EML6: variants seen among roughly 807,000 people sequenced by gnomAD.
The protein encoded by EML6 is echinoderm microtubule-associated protein-like 6.
A neutral mutation model predicts 240.1 loss-of-function variants in EML6; 154 were observed. That is an observed-to-expected ratio of 0.64 (90% CI 0.56 to 0.73). EML6 has a LOEUF of 0.73. Ranked by LOEUF, EML6 falls within the 30% of genes least tolerant of loss-of-function variation. EML6 has a pLI of 0.00. For synonymous variants in EML6, 1,148 were observed against 899.0 expected, an observed-to-expected ratio of 1.28 and a Z score of -4.95; for missense variants, 2,964 against 2,474.6, an observed-to-expected ratio of 1.20 and a Z score of -4.20.
In EML6 at chr2:54,853,836, A is replaced by G; in HGVS notation, c.1638A>G (p.Lys546=). 1.9e-6 allele frequency: 3 copies of G among 1,551,288 alleles called. No individual in the cohort carries two copies. In the South Asian group the frequency reaches 3.6e-5, roughly 18 times the overall value. The change falls in exon 11 of 42, where the codon AAA becomes AAG. Residue 546 remains lysine, a synonymous_variant. Coordinates refer to ENST00000356458, the MANE Select transcript of EML6 (RefSeq NM_001039753.4). ...GDDFGLVKLF[K]FPCLKRGAKF... ...ATTTTGGACTGGTTAAATTGTTTAA[A>G]TTTCCTTGTCTCAAGAGAGGTAAGG...
chr2:54,829,579 T>C (rs1366551551), intron 7 of EML6, 102 bp downstream of exon 7: 1 of 886,856 alleles, frequency 1.1e-6, no homozygotes, highest in Non-Finnish European at 1.6e-6. Flanking sequence ...AAAAGGCAGT[T>C]TATATAAATA....
chr2:54,879,664 G>C (rs776181225), intron 17 of EML6, 24 bp downstream of exon 17: 4 of 1,374,540 alleles, frequency 2.9e-6, no homozygotes, highest in Non-Finnish European at 4.1e-6. Context: ...GGGATCTTAC[G>C]GTATCCTGCT....
intron 19 of EML6, 42 bp downstream of exon 19, chr2:54,892,698 C>T (rs1168448772): frequency 2.0e-6 from 3 of 1,478,820 alleles, no homozygotes; most frequent in East Asian, 4.9e-5. Context: ...CATCAGCCTT[C>T]TAAAATTATA....
chr2:54,881,384 G>A (rs997982425), intron 17 of EML6: 48 of 152,154 alleles, frequency 3.2e-4, no homozygotes, highest in Admixed American at 2.8e-3. Flanking sequence ...GCCGGGCATG[G>A]TGGCTCACGT....
At chr2:54,927,874 C>T (rs753287175) in intron 26 of EML6, among the ~76,000 whole-genome samples, 2 of 152,222 alleles carry the variant, frequency 1.3e-5, no homozygotes, top group Middle Eastern at 3.2e-3. Flanking sequence ...TATAAGATAT[C>T]CTTTGCTCTT....
intron 28 of EML6, among the ~76,000 whole-genome samples, chr2:54,947,327 A>G (rs949311260): frequency 6.6e-6 from 1 of 152,130 alleles, no homozygotes; most frequent in Non-Finnish European, 1.5e-5. Flanking sequence ...ATTTTGCTCA[A>G]TTTGGTGGCG....
At chr2:54,966,431 T>C (rs1302284026) in intron 38 of EML6, among the ~76,000 whole-genome samples, 1 of 152,234 alleles carries the variant, frequency 6.6e-6, no homozygotes, top group Non-Finnish European at 1.5e-5. Flanking sequence ...AGCCATTCAC[T>C]GCAAATGTCT....
intron 2 of EML6, among the ~76,000 whole-genome samples, chr2:54,743,739 TG>T (rs1446945913): frequency 5.9e-5 from 9 of 152,246 alleles, no homozygotes; most frequent in Admixed American, 4.6e-4. Flanking sequence ...TAGGAATATT[TG>T]TTTTTTTATA....
intron 28 of EML6, among the ~76,000 whole-genome samples, chr2:54,941,810 T>G (rs1022129107): frequency 6.6e-6 from 1 of 152,258 alleles, no homozygotes; most frequent in African/African-American, 2.4e-5. Context: ...AGCCCTTCTC[T>G]CGAAGCTGCG....
At position 54,908,932 on chromosome 2, in the gene EML6, C is replaced by T. The variant is rs114550151; in HGVS notation, c.3410-2022C>T. On this transcript the variant is annotated intron_variant, in intron 24 of 41. Transcript: ENST00000356458. ...AAGGGGCATGTGCTAGATAGGGGAC[C>T]CTACAAGCTGTCTACAATGCTACAC... Among the ~76,000 whole-genome samples the T allele has an allele frequency of 4.0e-3, 612 of 152,310 alleles. 2 individuals carry two copies. The highest frequency in any genetic ancestry group is 4.3e-3 in the Non-Finnish European group (295 of 68,026).
chr2:54,967,427 G>C (rs1287562079), intron 39 of EML6, among the ~76,000 whole-genome samples: 1 of 152,178 alleles, frequency 6.6e-6, no homozygotes, highest in Non-Finnish European at 1.5e-5. Flanking sequence ...ATTCGCTAGG[G>C]GAAGGGAGTG....
intron 25 of EML6, among the ~76,000 whole-genome samples, chr2:54,913,445 G>T (rs933445174): frequency 5.9e-5 from 9 of 151,962 alleles, no homozygotes; most frequent in Non-Finnish European, 1.0e-4. Context: ...TAGAGCCAGG[G>T]TTTTGCCATG....
At chr2:54,761,445 C>T (rs1334810080) in intron 2 of EML6, among the ~76,000 whole-genome samples, 1 of 151,890 alleles carries the variant, frequency 6.6e-6, no homozygotes, top group Non-Finnish European at 1.5e-5. Context: ...AGGTATTTCC[C>T]CTTTTCAGAG....
chr2:54,933,125 CTG>C (rs1573172131), intron 28 of EML6, among the ~76,000 whole-genome samples: 2 of 152,288 alleles, frequency 1.3e-5, no homozygotes, highest in East Asian at 1.9e-4. Context: ...CTTATAGTCT[CTG>C]TGGTTCAAAA....
intron 28 of EML6, among the ~76,000 whole-genome samples, chr2:54,939,240 G>C (rs958462382): frequency 6.6e-6 from 1 of 152,144 alleles, no homozygotes; most frequent in African/African-American, 2.4e-5. Flanking sequence ...TCCTTCCAGC[G>C]CTCAGGCTGC....
At chr2:54,789,203 T>C (rs1226826908) in intron 2 of EML6, among the ~76,000 whole-genome samples, 7 of 152,292 alleles carry the variant, frequency 4.6e-5, no homozygotes, top group Non-Finnish European at 1.0e-4. Context: ...GCAAGTGTTA[T>C]GGTGACCTTT....
intron 28 of EML6, among the ~76,000 whole-genome samples, chr2:54,948,561 C>T (rs185328244): frequency 6.6e-6 from 1 of 152,204 alleles, no homozygotes; most frequent in South Asian, 2.1e-4. Flanking sequence ...TGGTTTTGAA[C>T]CAAGCCCCTC....
At chr2:54,943,146 C>G (rs573234182) in intron 28 of EML6, among the ~76,000 whole-genome samples, 26 of 152,380 alleles carry the variant, frequency 1.7e-4, no homozygotes, top group African/African-American at 5.8e-4. Flanking sequence ...CCCTCCTTCA[C>G]TGAGAAAACA....
In EML6 at chr2:54,876,787, C is replaced by CA. The variant is rs764700864; in HGVS notation, c.2345-2759dup. ...TGTATATATTGTGTAAGGATCAAAT[C>CA]AGAGTAGCTATCACATCCATCACCT... On this transcript the variant is annotated intron_variant, in intron 16 of 41. Transcript: ENST00000356458. Among the ~76,000 whole-genome samples, 16 of 152,108 alleles carry CA rather than the reference C, an allele frequency of 1.1e-4. 1 individual carries two copies. In the East Asian group the frequency reaches 1.3e-3, roughly 13 times the overall value.
Sources: gnomAD v4.1 joint callset for allele counts (sites outside exome capture counted in the v4.1 genomes callset) on GRCh38, gnomAD v4.1.1 for gene constraint, MANE v1.5 for transcripts, NCBI Gene and HGNC (gene_info 2026-07-23, HGNC 2026-07-21) for gene names.